GUCA1A: variants seen among roughly 807,000 people sequenced by gnomAD.
GUCA1A encodes the protein guanylate cyclase activator 1A, also known as guanylyl cyclase-activating protein 1.
Under a neutral mutation model 18.5 loss-of-function variants are expected in GUCA1A, and 14 were observed. That is an observed-to-expected ratio of 0.76 (90% CI 0.50 to 1.18). The LOEUF (loss-of-function observed/expected upper bound fraction) is 1.18, where lower values mean the gene tolerates loss of function less well. GUCA1A is among the 50% of genes most tolerant of loss of function. GUCA1A has a pLI of 0.00. For missense variants in GUCA1A, 264 were observed against 262.4 expected (o/e 1.01, Z -0.04); for synonymous variants, 97 against 100.2 (o/e 0.97, Z 0.19).
At chr6:42,178,553 G>A (rs1768023801) in intron 2 of GUCA1A, 124 bp downstream of exon 2, 1 of 995,486 alleles carries the variant, frequency 1.0e-6, no homozygotes, top group Non-Finnish European at 1.6e-6. Flanking sequence ...CCTGGTGGCA[G>A]CTGTAGGCCT....
At chr6:42,177,827 G>A (rs1262836998) in intron 1 of GUCA1A, among the ~76,000 whole-genome samples, 2 of 152,194 alleles carry the variant, frequency 1.3e-5, no homozygotes. Flanking sequence ...TCAGGCAGCA[G>A]GGTGAGAAAC....
At chr6:42,177,407 T>C (rs1052270132) in intron 1 of GUCA1A, among the ~76,000 whole-genome samples, 1 of 152,176 alleles carries the variant, frequency 6.6e-6, no homozygotes, top group Non-Finnish European at 1.5e-5. Context: ...ATCTAATGCA[T>C]ACCACAATCT....
At chr6:42,178,172 T>A in intron 1 of GUCA1A, 108 bp from the exon 2 acceptor site, 4 of 1,334,502 alleles carry the variant, frequency 3.0e-6, no homozygotes, top group Non-Finnish European at 4.3e-6. Flanking sequence ...CCTCAGCGTC[T>A]CTTGGGGCTT....
At position 42,173,618 on chromosome 6, in the gene GUCA1A, G is replaced by A; in HGVS notation, c.5G>A (p.Gly2Asp). 1.2e-6 allele frequency: 2 copies of A among 1,613,514 alleles called. No individual in the cohort carries two copies. Among genetic ancestry groups the A allele is most frequent in the Non-Finnish European group, 8.5e-7 (1 of 1,179,592 alleles). MGNVMEGKSVEE... is the reference protein window; with the variant it reads MDNVMEGKSVEE... ...AGCCCCCTGAAGGCCTGAGCAATGG[G>A]CAACGTGATGGAGGGAAAGTCAGTG... The change falls in exon 1 of 4, where the codon GGC becomes GAC. Residue 2 changes from glycine to aspartate, a missense_variant. Gly to Asp is a moderately conservative substitution (Grantham distance 94). Coordinates refer to ENST00000372958, the MANE Select transcript of GUCA1A (RefSeq NM_001384910.1).
At position 42,173,535 on chromosome 6, in the gene GUCA1A, T is replaced by C. The variant is rs1767863737; in HGVS notation, c.-79T>C. The C allele has an allele frequency of 1.7e-6, 2 of 1,180,578 alleles. No individual in the cohort carries two copies. Among genetic ancestry groups the C allele is most frequent in the Non-Finnish European group, 1.3e-6 (1 of 790,104 alleles). 73.1% of individuals were successfully genotyped at this position (1,180,578 alleles called of 1,614,324 possible). On this transcript the variant is annotated 5_prime_UTR_variant, in exon 1 of 4. Transcript: ENST00000372958. ...CCTGTGAGAGAGGACGGCCCCGTTG[T>C]CGGCCAAGACACCTTTGGGCGAGGA... is the stretch of plus-strand genomic sequence containing the variant.
Position 42,179,338 on chromosome 6 carries a change from C to A in GUCA1A, c.541C>A (p.Arg181Ser), listed in dbSNP as rs375356680. The change falls in exon 4 of 4, where the codon CGC becomes AGC. Residue 181 changes from arginine (R) to serine (S), a missense_variant. Transcript: ENST00000372958. ...TRSLDLTRIVRRLQNGEQDEE... is the reference protein window; with the variant it reads ...TRSLDLTRIVSRLQNGEQDEE... ...AAGCCTGGACCTTACCCGCATCGTG[C>A]GCAGGCTCCAGAATGGCGAGCAAGA... 60 of 1,613,512 alleles carry A rather than the reference C, an allele frequency of 3.7e-5. No homozygotes were observed. Among genetic ancestry groups the A allele is most frequent in the Non-Finnish European group, 5.1e-5 (60 of 1,179,686 alleles).
chr6:42,178,474 G>T, intron 2 of GUCA1A, 45 bp downstream of exon 2: 2 of 1,550,214 alleles, frequency 1.3e-6, no homozygotes, highest in Middle Eastern at 1.7e-4. Context: ...TCTGGGGTGG[G>T]ACCCGGAACT....
rs1211289126 is a variant in GUCA1A, at chr6:42,179,432, C to T, written c.*29C>T. Reference sequence around the variant, plus strand: ...CACCGCCCGGCTGCTTCTGCACTAGCGGGTGGGGTGGTATGGTGGTGCCTG... The same window carrying T: ...CACCGCCCGGCTGCTTCTGCACTAGTGGGTGGGGTGGTATGGTGGTGCCTG... On this transcript the variant is annotated 3_prime_UTR_variant, in exon 4 of 4. Transcript: ENST00000372958. 1.1e-5 allele frequency: 17 copies of T among 1,534,832 alleles called. No individual in the cohort carries two copies. Among genetic ancestry groups the T allele is most frequent in the Middle Eastern group, 1.7e-4 (1 of 5,788 alleles).
At position 42,178,280 on chromosome 6, in the gene GUCA1A, G is replaced by A. The variant is rs770740149; in HGVS notation, c.202G>A (p.Asp68Asn). The A allele has an allele frequency of 6.2e-7, 1 of 1,613,762 alleles. No individual in the cohort carries two copies. ...CACGGCGGCCGCGCCCCTCGCCCAG[G>A]ACGGCTACATTGATTTCATGGAGTA... The part of the protein sequence containing the change: ...QMFETFDFNK[D>N]GYIDFMEYVA... Residue 68 changes from aspartate (D) to asparagine (N), a missense_variant and splice_region_variant, in exon 2 of 4, where the codon GAC (aspartate) becomes AAC (asparagine). Transcript: ENST00000372958.
At chr6:42,178,453 G>T (rs201360179) in intron 2 of GUCA1A, 24 bp downstream of exon 2, 11 of 1,606,352 alleles carry the variant, frequency 6.8e-6, no homozygotes, top group Admixed American at 1.7e-5. Context: ...GGCCAGGGCT[G>T]GGGGCAGCGG....
chr6:42,179,520 C>T lies in GUCA1A; in HGVS notation c.*117C>T. 2.4e-6 allele frequency: 2 copies of T among 847,318 alleles called. No individual in the cohort carries two copies. Among genetic ancestry groups the T allele is most frequent in the Non-Finnish European group, 3.6e-6 (2 of 559,740 alleles). The allele number at this position is 847,318 out of a possible 1,614,324, so 52.5% of individuals were successfully genotyped here. On this transcript the variant is annotated 3_prime_UTR_variant, in exon 4 of 4. Coordinates refer to ENST00000372958, the MANE Select transcript of GUCA1A (RefSeq NM_001384910.1). ...ATGAACTCAGAGGCTTAGCTCGCCT[C>T]TTTAGGGTCCATGGTGGCAGCAGAG...
At chr6:42,175,854 G>C (rs1049599468) in intron 1 of GUCA1A, among the ~76,000 whole-genome samples, 2 of 152,002 alleles carry the variant, frequency 1.3e-5, no homozygotes, top group Non-Finnish European at 2.9e-5. Flanking sequence ...AATTCTGCTC[G>C]GCTTACACCT....
chr6:42,173,842 G>C (rs1767880908), intron 1 of GUCA1A, 28 bp downstream of exon 1: 2 of 1,562,892 alleles, frequency 1.3e-6, no homozygotes, highest in Non-Finnish European at 1.8e-6. Context: ...GGCAGGGAGG[G>C]GAAGTGCTGG....
chr6:42,173,463 C>G lies in GUCA1A; in HGVS notation c.-151C>G, dbSNP rs1767861132. 1.4e-6 allele frequency: 1 copy of G among 692,876 alleles called. No individual in the cohort carries two copies. Among genetic ancestry groups the G allele is most frequent in the Non-Finnish European group, 2.6e-6 (1 of 380,706 alleles). The allele number at this position is 692,876 out of a possible 1,614,324, so 42.9% of individuals were successfully genotyped here. A position where few individuals can be genotyped will look rare whatever the true frequency, so the allele number is the denominator to read the frequency against. On this transcript the variant is annotated 5_prime_UTR_variant, in exon 1 of 4. Coordinates refer to ENST00000372958, the MANE Select transcript of GUCA1A (RefSeq NM_001384910.1). ...TCTCCCTCTCCACATTTCCCGGTAC[C>G]ATCTGATCCATCAGGCCCTTCTTTG...
In GUCA1A at chr6:42,179,505, A is replaced by T; in HGVS notation, c.*102A>T. On this transcript the variant is annotated 3_prime_UTR_variant, in exon 4 of 4. Coordinates refer to ENST00000372958, the MANE Select transcript of GUCA1A (RefSeq NM_001384910.1). ...CCTAGATAGAATCTAATGAACTCAG[A>T]GGCTTAGCTCGCCTCTTTAGGGTCC... 9.7e-7 allele frequency: 1 copy of T among 1,026,930 alleles called. No homozygotes were observed. Among genetic ancestry groups the T allele is most frequent in the Non-Finnish European group, 1.4e-6 (1 of 716,470 alleles). The allele number at this position is 1,026,930 out of a possible 1,614,324, so 63.6% of individuals were successfully genotyped here.
At chr6:42,177,082 G>A (rs1389687095) in intron 1 of GUCA1A, among the ~76,000 whole-genome samples, 1 of 152,162 alleles carries the variant, frequency 6.6e-6, no homozygotes, top group East Asian at 1.9e-4. Context: ...TGGGGGACAG[G>A]CCATTTGCTT....
rs1161182542 is a variant in GUCA1A at position 42,173,514 on chromosome 6, TGA to T, written c.-94_-93del. 8.8e-6 allele frequency: 8 copies of T among 910,224 alleles called. No homozygotes were observed. The highest frequency in any genetic ancestry group is 5.5e-5 in the Admixed American group (3 of 54,972). 56.4% of individuals were successfully genotyped at this position (910,224 alleles called of 1,614,324 possible). ...CTCAGGCCTGAAGGACTCAGGCCTG[TGA>T]GAGAGGACGGCCCCGTTGTCGGCCA... On this transcript the variant is annotated 5_prime_UTR_variant, in exon 1 of 4. Coordinates refer to ENST00000372958, the MANE Select transcript of GUCA1A (RefSeq NM_001384910.1).
rs121434631 is a variant in GUCA1A at position 42,179,248 on chromosome 6, C to G, written c.451C>G (p.Leu151Val). The G allele has an allele frequency of 6.2e-7, 1 of 1,612,608 alleles. No individual in the cohort carries two copies. Among genetic ancestry groups the G allele is most frequent in the African/African-American group, 1.3e-5 (1 of 74,884 alleles). The change falls in exon 4 of 4, where the codon CTC becomes GTC. Residue 151 changes from leucine (L) to valine (V), a missense_variant. Coordinates refer to ENST00000372958, the MANE Select transcript of GUCA1A (RefSeq NM_001384910.1). Reference sequence around the variant, plus strand: ...TCCCTTTCTCTCTACCCCAGGGGAACTCTCCCTGGAAGAGTTTATAGAGGG... The same window carrying G: ...TCCCTTTCTCTCTACCCCAGGGGAAGTCTCCCTGGAAGAGTTTATAGAGGG... ...SKIDVNGDGE[L>V]SLEEFIEGVQ... is the part of the protein sequence containing the mutation.
rs544314315 is a variant in GUCA1A, at chr6:42,178,532, G to A, written c.351+103G>A. On this transcript the variant is annotated intron_variant, in intron 2 of 3. Transcript: ENST00000372958. ...AATCTCAGGATTGAGACAGGATGTG[G>A]GACTGAGGATCCTGGTGGCAGCTGT... The A allele has an allele frequency of 1.0e-5, 12 of 1,153,292 alleles. No individual in the cohort carries two copies. In the South Asian group the frequency reaches 1.3e-4, roughly 13 times the overall value. 71.4% of individuals were successfully genotyped at this position (1,153,292 alleles called of 1,614,324 possible). A position where few individuals can be genotyped will look rare whatever the true frequency, so the allele number is the denominator to read the frequency against.
Sources: gnomAD v4.1 joint callset for allele counts (sites outside exome capture counted in the v4.1 genomes callset) on GRCh38, gnomAD v4.1.1 for gene constraint, MANE v1.5 for transcripts, NCBI Gene and HGNC (gene_info 2026-07-23, HGNC 2026-07-21) for gene names.